ABCC9: variants seen among roughly 807,000 people sequenced by gnomAD.
The protein encoded by ABCC9 is ATP-binding cassette sub-family C member 9.
A neutral mutation model predicts 188.3 loss-of-function variants in ABCC9; 95 were observed. The ratio of observed to expected loss-of-function variants is 0.50; its 90% confidence interval spans 0.43 to 0.60. ABCC9 has a LOEUF of 0.60. ABCC9 is among the 20% of genes least tolerant of loss of function. ABCC9 has a pLI of 0.00. For synonymous variants in ABCC9, 659 were observed against 652.7 expected, an observed-to-expected ratio of 1.01 and a Z score of -0.15; for missense variants, 1,102 against 1,876.3, an observed-to-expected ratio of 0.59 and a Z score of 7.62.
intron 12 of ABCC9, among the ~76,000 whole-genome samples, chr12:21,900,136 A>G (rs942037640): frequency 8.5e-5 from 13 of 152,196 alleles, no homozygotes; most frequent in Non-Finnish European, 1.5e-4. Context: ...TCAGGCAGCA[A>G]CATTTGCTGT....
intron 8 of ABCC9, among the ~76,000 whole-genome samples, chr12:21,911,635 TG>T (rs1397545012): frequency 6.6e-6 from 1 of 151,998 alleles, no homozygotes; most frequent in East Asian, 1.9e-4. Flanking sequence ...AGATAACATT[TG>T]ACTAAGTACA....
At chr12:21,912,037 G>A (rs975408793) in intron 8 of ABCC9, among the ~76,000 whole-genome samples, 3 of 151,984 alleles carry the variant, frequency 2.0e-5, no homozygotes, top group African/African-American at 7.2e-5. Flanking sequence ...CCAACATAAA[G>A]TAAAGAGTGT....
At position 21,915,864 on chromosome 12, in the gene ABCC9, T is replaced by C. The variant is rs182537028; in HGVS notation, c.620A>G (p.Asp207Gly). The C allele has an allele frequency of 6.2e-7, 1 of 1,612,972 alleles. No homozygotes were observed. The change falls in exon 7 of 40, where the codon GAC becomes GGC. Residue 207 changes from aspartate to glycine, a missense_variant. Coordinates refer to ENST00000261200, the MANE Select transcript of ABCC9 (RefSeq NM_020297.4). ...MNPQKVKPPE[D>G]LQDLGVRFLQ... ...AAATCTCACTCCCAGATCCTGGAGG[T>C]CTTCAGGAGGCTTTACTTTCTGAGG...
chr12:21,903,774 T>C (rs544340418), intron 12 of ABCC9, among the ~76,000 whole-genome samples: 6 of 152,134 alleles, frequency 3.9e-5, no homozygotes, highest in African/African-American at 1.4e-4. Flanking sequence ...CTCAATGAAA[T>C]AAAAGAGGAC....
rs10770865 is a variant in ABCC9, at chr12:21,910,181, G to A, written c.1296C>T (p.Pro432=). ...CCTGAACAGGCATAGCCCATAGATT[G>A]GGACACAGGAACAAAAACCACATGA... ...NQLMWFLFLC[P]NLWAMPVQII... is the part of the protein sequence containing the mutation. The change falls in exon 10 of 40, where the codon CCC becomes CCT. Residue 432 remains proline (P), a synonymous_variant. Coordinates refer to ENST00000261200, the MANE Select transcript of ABCC9 (RefSeq NM_020297.4). 802 of 1,611,158 alleles carry A rather than the reference G, an allele frequency of 5.0e-4. 5 individuals carry two copies. In the African/African-American group the frequency reaches 9.4e-3, roughly 19 times the overall value.
chr12:21,881,636 A>G (rs965376101), intron 16 of ABCC9, among the ~76,000 whole-genome samples: 1 of 151,528 alleles, frequency 6.6e-6, no homozygotes, highest in Non-Finnish European at 1.5e-5. Context: ...ACCATTTCCA[A>G]TCTCTCATTC....
At chr12:21,876,593 A>T (rs1453525735) in intron 16 of ABCC9, among the ~76,000 whole-genome samples, 1 of 152,186 alleles carries the variant, frequency 6.6e-6, no homozygotes, top group Non-Finnish European at 1.5e-5. Context: ...ATCCCACACA[A>T]TCTATTTGTT....
chr12:21,807,545 T>C, intron 37 of ABCC9, 66 bp from the exon 38 acceptor site: 1 of 1,605,852 alleles, frequency 6.2e-7, no homozygotes, highest in Non-Finnish European at 8.5e-7. Flanking sequence ...TTGGACAAAA[T>C]CATGAAAAAC....
At chr12:21,926,949 A>G (rs1202795570) in intron 4 of ABCC9, among the ~76,000 whole-genome samples, 2 of 152,196 alleles carry the variant, frequency 1.3e-5, no homozygotes, top group African/African-American at 4.8e-5. Flanking sequence ...AATTACTTGA[A>G]GATATTAGTA....
At chr12:21,843,043 C>G (rs1396928728) in intron 28 of ABCC9, among the ~76,000 whole-genome samples, 3 of 152,030 alleles carry the variant, frequency 2.0e-5, no homozygotes, top group Non-Finnish European at 2.9e-5. Flanking sequence ...TTAGCTCAAT[C>G]ACAATTTAAA....
At position 21,908,136 on chromosome 12, in the gene ABCC9, G is replaced by A. The variant is rs555340137; in HGVS notation, c.1396C>T (p.Leu466Phe). The A allele has an allele frequency of 6.2e-7, 1 of 1,612,656 alleles. No homozygotes were observed. Among genetic ancestry groups the A allele is most frequent in the African/African-American group, 1.3e-5 (1 of 74,924 alleles). The change falls in exon 11 of 40, where the codon CTT becomes TTT. Residue 466 changes from leucine to phenylalanine, a missense_variant. Physicochemically the swap from Leu to Phe is conservative, Grantham distance 22. This residue lies in a region of ABCC9 where 305 missense variants were observed against 573.0 expected (regional missense o/e 0.53). Transcript: ENST00000261200. ...GCAATAAAGTACTGAATTGGCGCAA[G>A]GAGCACAATGACAGCTGCACCGACC... Reference protein sequence around the residue: ...ALVGAAVIVLLAPIQYFIATK... With the variant: ...ALVGAAVIVLFAPIQYFIATK...
chr12:21,933,715 G>A (rs974182753), intron 4 of ABCC9, 67 bp downstream of exon 4: 1 of 1,553,642 alleles, frequency 6.4e-7, no homozygotes, highest in African/African-American at 1.4e-5. Flanking sequence ...TTACAAAGAT[G>A]TGAACTTGTG....
chr12:21,919,155 A>T (rs966930179), intron 5 of ABCC9, among the ~76,000 whole-genome samples: 1 of 152,036 alleles, frequency 6.6e-6, no homozygotes, highest in African/African-American at 2.4e-5. Flanking sequence ...ATAAAAAAGG[A>T]TCCCCCAAAA....
intron 4 of ABCC9, 77 bp from the exon 5 acceptor site, chr12:21,926,140 A>G: frequency 6.3e-7 from 1 of 1,590,242 alleles, no homozygotes; most frequent in Non-Finnish European, 8.6e-7. Context: ...TTTTTTCATA[A>G]GAACTCTATC....
At chr12:21,898,170 A>G (rs1484596846) in intron 12 of ABCC9, among the ~76,000 whole-genome samples, 1 of 152,162 alleles carries the variant, frequency 6.6e-6, no homozygotes, top group Admixed American at 6.5e-5. Flanking sequence ...ACAATATATA[A>G]AAATAAATAA....
intron 23 of ABCC9, 25 bp from the exon 24 acceptor site, chr12:21,852,247 A>C (rs771923575): frequency 2.5e-6 from 4 of 1,613,650 alleles, no homozygotes; most frequent in Non-Finnish European, 3.4e-6. Flanking sequence ...TATTCCCAGA[A>C]ATGTGACGAA....
At position 21,932,826 on chromosome 12, in the gene ABCC9, G is replaced by A. The variant is rs1949341123; in HGVS notation, c.284+956C>T. ...TTTAGCCATTGTAGAAGACAGCGTG[G>A]TGATTCCTCAAAGACCAAAAAACAG... On this transcript the variant is annotated intron_variant, in intron 4 of 39. Coordinates refer to ENST00000261200, the MANE Select transcript of ABCC9 (RefSeq NM_020297.4). 2.6e-5 allele frequency among the ~76,000 whole-genome samples: 4 copies of A among 152,008 alleles called. No homozygotes were observed. The South Asian group carries it at 8.3e-4, about 32-fold the overall frequency.
intron 29 of ABCC9, among the ~76,000 whole-genome samples, chr12:21,839,934 G>A (rs1944296690): frequency 6.6e-6 from 1 of 152,176 alleles, no homozygotes; most frequent in Non-Finnish European, 1.5e-5. Context: ...AATGTGAATA[G>A]TCTGTTATTT....
At chr12:21,939,756 T>C (rs898692032) in intron 2 of ABCC9, among the ~76,000 whole-genome samples, 1 of 152,220 alleles carries the variant, frequency 6.6e-6, no homozygotes, top group African/African-American at 2.4e-5. Context: ...GTTGGAGAAC[T>C]TGACTGAATA....
Sources: gnomAD v4.1 joint callset for allele counts (sites outside exome capture counted in the v4.1 genomes callset) on GRCh38, gnomAD v4.1.1 for gene constraint, gnomAD v4.1.1 regional missense constraint, MANE v1.5 for transcripts, NCBI Gene and HGNC (gene_info 2026-07-23, HGNC 2026-07-21) for gene names.